The following PAF1 variants were observed in gnomAD, a reference collection of about 807,000 sequenced individuals.
The protein encoded by PAF1 is RNA polymerase II-associated factor 1 homolog.
Under a neutral mutation model 68.4 loss-of-function variants are expected in PAF1, and 31 were observed. That is an observed-to-expected ratio of 0.45 (90% CI 0.34 to 0.61). The LOEUF (loss-of-function observed/expected upper bound fraction) is 0.61. Ranked by LOEUF, PAF1 falls within the 20% of genes least tolerant of loss-of-function variation. The probability of loss-of-function intolerance (pLI) is 0.01; values close to 1 mark genes in which losing one functional copy is unlikely to be tolerated. For synonymous variants in PAF1, 256 were observed against 240.5 expected, an observed-to-expected ratio of 1.06 and a Z score of -0.60; for missense variants, 435 against 692.9, an observed-to-expected ratio of 0.63 and a Z score of 4.18.
intron 1 of PAF1, among the ~76,000 whole-genome samples, chr19:39,390,491 A>G (rs1371373714): frequency 1.3e-5 from 2 of 152,202 alleles, no homozygotes; most frequent in African/African-American, 2.4e-5. Context: ...CAAAAGCTTT[A>G]ATGAACAAGG....
Position 39,386,813 on chromosome 19 carries a change from A to G in PAF1, c.987-14T>C. On this transcript the variant is annotated splice_polypyrimidine_tract_variant and intron_variant, in intron 11 of 13. Coordinates refer to ENST00000221265, the MANE Select transcript of PAF1 (RefSeq NM_019088.4). This position sits in a 1 kb window ranked among gnomAD's most constrained non-coding sequence, Gnocchi z 6.1. ...CTAAGGCGGACCCTGCAGGGGGTGAATTTGGGAGAGAGAAGTGGAAGATGC... is the reference window on the plus strand; with the variant it reads ...CTAAGGCGGACCCTGCAGGGGGTGAGTTTGGGAGAGAGAAGTGGAAGATGC... 1 of 1,585,128 alleles carries G rather than the reference A, an allele frequency of 6.3e-7. No individual in the cohort carries two copies. Among genetic ancestry groups the G allele is most frequent in the Non-Finnish European group, 8.7e-7 (1 of 1,153,566 alleles).
chr19:39,388,966 G>A lies in PAF1; in HGVS notation c.617C>T (p.Pro206Leu). The change falls in exon 8 of 14, where the codon CCT becomes CTT. Residue 206 changes from proline (P) to leucine (L), a missense_variant. By Grantham distance (98) the Pro-to-Leu change is moderately conservative (BLOSUM62 -3). Coordinates refer to ENST00000221265, the MANE Select transcript of PAF1 (RefSeq NM_019088.4). ...CCTGACCTTAAAGTCTGGGAAGACAGGCATGACCTCCACCGGTGTGACTCG... is the reference window on the plus strand; with the variant it reads ...CCTGACCTTAAAGTCTGGGAAGACAAGCATGACCTCCACCGGTGTGACTCG... The part of the protein sequence containing the change: ...KPRVTPVEVM[P>L]VFPDFKMWIN... 1 of 1,614,128 alleles carries A rather than the reference G, an allele frequency of 6.2e-7. No individual in the cohort carries two copies. Among genetic ancestry groups the A allele is most frequent in the Non-Finnish European group, 8.5e-7 (1 of 1,179,984 alleles).
chr19:39,389,839 T>G lies in PAF1; in HGVS notation c.171-78A>C. 6.4e-7 allele frequency: 1 copy of G among 1,574,096 alleles called. No homozygotes were observed. The highest frequency in any genetic ancestry group is 1.7e-5 in the Admixed American group (1 of 59,912). The stretch of plus-strand genomic sequence containing the variant: ...AGCCCTGCTTCCCAGAGGCGGAGCT[T>G]CTCTGGGGAGGAACTCAGAATGAAG... On this transcript the variant is annotated intron_variant, in intron 3 of 13. Coordinates refer to ENST00000221265, the MANE Select transcript of PAF1 (RefSeq NM_019088.4). This position sits in a 1 kb window ranked among gnomAD's most constrained non-coding sequence, Gnocchi z 5.3.
Position 39,391,016 on chromosome 19 carries a change from G to A in PAF1, c.-152C>T, listed in dbSNP as rs2078368088. 1.4e-6 allele frequency: 1 copy of A among 733,892 alleles called. No homozygotes were observed. Among genetic ancestry groups the A allele is most frequent in the Non-Finnish European group, 2.2e-6 (1 of 453,988 alleles). 45.5% of individuals were successfully genotyped at this position (733,892 alleles called of 1,614,324 possible). ...GTGGGTTGAGATGAGGTGGGCGGGC[G>A]AGAAGAGCTCCAGCGAGACTCAGGT... On this transcript the variant is annotated 5_prime_UTR_variant, in exon 1 of 14. Transcript: ENST00000221265.
In PAF1 at chr19:39,388,846, G is replaced by GATC; in HGVS notation, c.655_656insGAT (p.Ala219delinsGlySer). On this transcript the variant is annotated protein_altering_variant, in exon 9 of 14. Transcript: ENST00000221265. ...TGGGTCTGAGTCAAAGATCACCTGA[G>GATC]CACATGGATTGATCCACATCTAGGG... is the stretch of plus-strand genomic sequence containing the variant. The GATC allele has an allele frequency of 2.5e-6, 4 of 1,614,104 alleles. No individual in the cohort carries two copies. The highest frequency in any genetic ancestry group is 1.7e-6 in the Non-Finnish European group (2 of 1,179,948).
In PAF1 at chr19:39,388,394, A is replaced by T. The variant is rs1240252251; in HGVS notation, c.931T>A (p.Tyr311Asn). The stretch of plus-strand genomic sequence containing the variant: ...TCACCCTCTCGGAAGATGAAGAAGT[A>T]GTTTTCCTCATAGCCCTTGCTAGCT... Reference protein sequence around the residue: ...NKASKGYEENYFFIFREGDGV... With the variant: ...NKASKGYEENNFFIFREGDGV... Residue 311 changes from tyrosine to asparagine, a missense_variant, in exon 11 of 14, where the codon TAC becomes AAC. By Grantham distance (143) the Tyr-to-Asn change is moderately radical. This residue lies in a region of PAF1 where 151 missense variants were observed against 306.3 expected (regional missense o/e 0.49). Coordinates refer to ENST00000221265, the MANE Select transcript of PAF1 (RefSeq NM_019088.4). The T allele has an allele frequency of 6.2e-7, 1 of 1,613,970 alleles. No individual in the cohort carries two copies. The highest frequency in any genetic ancestry group is 8.5e-7 in the Non-Finnish European group (1 of 1,179,856).
chr19:39,388,956 T>C lies in PAF1; in HGVS notation c.627A>G (p.Pro209=). The C allele has an allele frequency of 6.2e-7, 1 of 1,614,136 alleles. No individual in the cohort carries two copies. The highest frequency in any genetic ancestry group is 8.5e-7 in the Non-Finnish European group (1 of 1,179,996). ...VTPVEVMPVF[P]DFKMWINPCA... is the part of the protein sequence containing the mutation. ...CCACCTTGGGCCTGACCTTAAAGTCTGGGAAGACAGGCATGACCTCCACCG... is the reference window on the plus strand; with the variant it reads ...CCACCTTGGGCCTGACCTTAAAGTCCGGGAAGACAGGCATGACCTCCACCG... Residue 209 remains proline (P), a synonymous_variant, in exon 8 of 14, where the codon CCA becomes CCG. Transcript: ENST00000221265.
At chr19:39,390,760 C>A (rs973788378) in intron 1 of PAF1, 58 bp downstream of exon 1, 6 of 1,523,688 alleles carry the variant, frequency 3.9e-6, no homozygotes, top group African/African-American at 1.4e-5. Flanking sequence ...TGACGTTGTT[C>A]AGCAGAAACC....
chr19:39,385,722 A>G lies in PAF1; in HGVS notation c.*269T>C, dbSNP rs1417242470. On this transcript the variant is annotated 3_prime_UTR_variant, in exon 14 of 14. Coordinates refer to ENST00000221265, the MANE Select transcript of PAF1 (RefSeq NM_019088.4). ...CGAATTCTGACCTTCGTTGTGCTAC[A>G]TTTTGTGGGAAACCATTGGCCCTGC... The G allele has an allele frequency of 7.3e-6, 4 of 546,972 alleles. No individual in the cohort carries two copies. Among genetic ancestry groups the G allele is most frequent in the South Asian group, 2.7e-5 (1 of 36,428 alleles). 33.9% of individuals were successfully genotyped at this position (546,972 alleles called of 1,614,324 possible). A position where few individuals can be genotyped will look rare whatever the true frequency, so the allele number is the denominator to read the frequency against.
In PAF1 at chr19:39,386,856, C is replaced by T. The variant is rs1400458902; in HGVS notation, c.987-57G>A. The T allele has an allele frequency of 2.6e-6, 3 of 1,175,228 alleles. No individual in the cohort carries two copies. In the African/African-American group the frequency reaches 4.5e-5, roughly 18 times the overall value. The allele number at this position is 1,175,228 out of a possible 1,614,324, so 72.8% of individuals were successfully genotyped here. A position where few individuals can be genotyped will look rare whatever the true frequency, so the allele number is the denominator to read the frequency against. Reference sequence around the variant, plus strand: ...GAAGATGCAGTTAAAGACACACCTCCCACTTCCCCGCCCCCCAGTGAGGGG... The same window carrying T: ...GAAGATGCAGTTAAAGACACACCTCTCACTTCCCCGCCCCCCAGTGAGGGG... On this transcript the variant is annotated intron_variant, in intron 11 of 13. Coordinates refer to ENST00000221265, the MANE Select transcript of PAF1 (RefSeq NM_019088.4). This position sits in a 1 kb window ranked among gnomAD's most constrained non-coding sequence, Gnocchi z 6.1.
Position 39,390,847 on chromosome 19 carries a change from C to T in PAF1, c.18G>A (p.Gln6=), listed in dbSNP as rs753560025. The T allele has an allele frequency of 4.4e-6, 7 of 1,587,688 alleles. No individual in the cohort carries two copies. In the South Asian group the frequency reaches 4.6e-5, roughly 10 times the overall value. Residue 6 remains glutamine (Q), a synonymous_variant, in exon 1 of 14, where the codon CAG becomes CAA. Coordinates refer to ENST00000221265, the MANE Select transcript of PAF1 (RefSeq NM_019088.4). MAPTI[Q]TQAQREDGHR... is the part of the protein sequence containing the mutation. ...GGCCATCCTCCCGCTGGGCCTGGGT[C>T]TGGATGGTGGGCGCCATAGCGACGA... is the stretch of plus-strand genomic sequence containing the variant.
At position 39,389,427 on chromosome 19, in the gene PAF1, G is replaced by T. The variant is rs1229987191; in HGVS notation, c.360-44C>A. On this transcript the variant is annotated intron_variant, in intron 5 of 13. Coordinates refer to ENST00000221265, the MANE Select transcript of PAF1 (RefSeq NM_019088.4). This position sits in a 1 kb window ranked among gnomAD's most constrained non-coding sequence, Gnocchi z 5.3. ...TATCTCAGGACCCCACTGCCCTCCT[G>T]CTTGTAGGGCCCACCTGAGCCAGTC... 1.2e-6 allele frequency: 2 copies of T among 1,606,588 alleles called. No individual in the cohort carries two copies. The highest frequency in any genetic ancestry group is 1.3e-5 in the African/African-American group (1 of 74,802).
rs1234487213 is a variant in PAF1, at chr19:39,390,268, C to G, written c.69G>C (p.Leu23=). 6.2e-7 allele frequency: 1 copy of G among 1,613,594 alleles called. No individual in the cohort carries two copies. Among genetic ancestry groups the G allele is most frequent in the Non-Finnish European group, 8.5e-7 (1 of 1,179,704 alleles). ...DGHRPNSHRT[L]PERSGVVCRV... ...AGCACAGTGGGGCTCACCTCTCAGG[C>G]AGAGTCCGGTGGGAATTGGGCCTAG... Residue 23 remains leucine (L), a synonymous_variant, in exon 2 of 14, where the codon CTG becomes CTC. Coordinates refer to ENST00000221265, the MANE Select transcript of PAF1 (RefSeq NM_019088.4).
In PAF1 at chr19:39,386,748, G is replaced by A. The variant is rs2078259852; in HGVS notation, c.1038C>T (p.Asn346=). ...CCCGATGTTTGACCACAAGCAGGGC[G>A]TTGGTGCCTGACTGAACCCCAGCCT... The part of the protein sequence containing the change: ...RAKAGVQSGT[N]ALLVVKHRDM... Residue 346 remains asparagine, a synonymous_variant, in exon 12 of 14, where the codon AAC becomes AAT. Coordinates refer to ENST00000221265, the MANE Select transcript of PAF1 (RefSeq NM_019088.4). This position sits in a 1 kb window ranked among gnomAD's most constrained non-coding sequence, Gnocchi z 6.1. The A allele has an allele frequency of 9.9e-6, 16 of 1,614,128 alleles. No homozygotes were observed. The highest frequency in any genetic ancestry group is 1.3e-5 in the Non-Finnish European group (15 of 1,179,980).
In PAF1 at chr19:39,385,671, G is replaced by GAAA; in HGVS notation, c.*317_*319dup. ...TGTTTAATGGTCTGGGCTTATTTTG[G>GAAA]AAAAAAAAAAAACAAACAAAAAAAA... On this transcript the variant is annotated 3_prime_UTR_variant, in exon 14 of 14. Coordinates refer to ENST00000221265, the MANE Select transcript of PAF1 (RefSeq NM_019088.4). The GAAA allele has an allele frequency of 1.1e-5, 5 of 447,680 alleles. No individual in the cohort carries two copies. The highest frequency in any genetic ancestry group is 3.4e-5 in the South Asian group (1 of 29,320). The allele number at this position is 447,680 out of a possible 1,614,324, so 27.7% of individuals were successfully genotyped here.
chr19:39,389,432 T>TA lies in PAF1; in HGVS notation c.359+47dup, dbSNP rs772362693. On this transcript the variant is annotated intron_variant, in intron 5 of 13. Transcript: ENST00000221265. This position sits in a 1 kb window ranked among gnomAD's most constrained non-coding sequence, Gnocchi z 5.3. ...CAGGACCCCACTGCCCTCCTGCTTG[T>TA]AGGGCCCACCTGAGCCAGTCTCCAG... is the stretch of plus-strand genomic sequence containing the variant. 25 of 1,607,878 alleles carry TA rather than the reference T, an allele frequency of 1.6e-5. No individual in the cohort carries two copies. Among genetic ancestry groups the TA allele is most frequent in the Non-Finnish European group, 2.0e-5 (24 of 1,174,426 alleles).
chr19:39,390,259 C>T lies in PAF1; in HGVS notation c.77+1G>A. 9 of 1,613,786 alleles carry T rather than the reference C, an allele frequency of 5.6e-6. No homozygotes were observed. The highest frequency in any genetic ancestry group is 7.6e-6 in the Non-Finnish European group (9 of 1,179,810). On this transcript the variant is annotated splice_donor_variant, in intron 2 of 13. Transcript: ENST00000221265. LOFTEE classifies it high-confidence loss of function. ...TCCTGGGAAAGCACAGTGGGGCTCA[C>T]CTCTCAGGCAGAGTCCGGTGGGAAT...
Position 39,390,192 on chromosome 19 carries a change from C to A in PAF1, c.78-31G>T, listed in dbSNP as rs759768915. 2.5e-6 allele frequency: 4 copies of A among 1,611,038 alleles called. No individual in the cohort carries two copies. In the African/African-American group the frequency reaches 4.0e-5, roughly 16 times the overall value. ...AACATTAGTGGCTCAAAAGTGGGCC[C>A]CCGCTGCCCCACCTCTGCTCCCAGC... On this transcript the variant is annotated intron_variant, in intron 2 of 13. Coordinates refer to ENST00000221265, the MANE Select transcript of PAF1 (RefSeq NM_019088.4).
At chr19:39,387,967 A>C (rs1216084415) in intron 11 of PAF1, among the ~76,000 whole-genome samples, 18 of 152,058 alleles carry the variant, frequency 1.2e-4, no homozygotes, top group African/African-American at 3.6e-4. Context: ...GTGAAACCCC[A>C]TCTCTATTAA....
Sources: allele counts gnomAD v4.1 joint callset (sites outside exome capture counted in the v4.1 genomes callset), GRCh38; gene constraint gnomAD v4.1.1; regional missense constraint gnomAD v4.1.1; non-coding constraint Gnocchi (gnomAD v3.1); transcripts MANE v1.5; gene names NCBI Gene and HGNC (gene_info 2026-07-23, HGNC 2026-07-21).